NRG1: variants seen among roughly 807,000 people sequenced by gnomAD.
The protein encoded by NRG1 is pro-neuregulin-1, membrane-bound isoform.
In NRG1, 18 loss-of-function variants were observed where a neutral mutation model predicts 63.8. The observed-to-expected ratio is 0.28, with a 90% CI of 0.19 to 0.42. The LOEUF (loss-of-function observed/expected upper bound fraction) is 0.42. Ranked by LOEUF, NRG1 falls within the 10% of genes least tolerant of loss-of-function variation. NRG1 has a pLI of 1.00. For missense variants in NRG1, 762 were observed against 814.7 expected, an observed-to-expected ratio of 0.94 and a Z score of 0.79; for synonymous variants, 302 against 301.3, an observed-to-expected ratio of 1.00 and a Z score of -0.02.
At position 32,210,700 on chromosome 8, in the gene NRG1, G is replaced by A. The variant is rs545717336; in HGVS notation, c.38-385128G>A. On this transcript the variant is annotated intron_variant, in intron 1 of 10. Coordinates refer to the NRG1 transcript ENST00000519301. Reference sequence around the variant, plus strand: ...CCTCCAAGCCTACAGACCACCTCACGTAGTAGCTGTAGTGGGAGCTGCTCC... The same window carrying A: ...CCTCCAAGCCTACAGACCACCTCACATAGTAGCTGTAGTGGGAGCTGCTCC... Among the ~76,000 whole-genome samples the A allele has an allele frequency of 9.8e-5, 15 of 152,286 alleles. No homozygotes were observed. The South Asian group carries it at 1.9e-3, about 19-fold the overall frequency.
chr8:31,685,033 A>T (rs1438173625), intron 1 of NRG1, among the ~76,000 whole-genome samples: 1 of 152,168 alleles, frequency 6.6e-6, no homozygotes, highest in Admixed American at 6.5e-5. Flanking sequence ...TTTTCATTCT[A>T]AAACTATGAG....
chr8:31,960,096 A>T (rs541510966), intron 1 of NRG1, among the ~76,000 whole-genome samples: 1 of 152,282 alleles, frequency 6.6e-6, no homozygotes, highest in African/African-American at 2.4e-5. Context: ...CCAAGTGAAA[A>T]ATCATGGGAG....
At chr8:32,628,827 G>A (rs1289288132) in intron 5 of NRG1, among the ~76,000 whole-genome samples, 8 of 150,386 alleles carry the variant, frequency 5.3e-5, no homozygotes, top group African/African-American at 1.7e-4. Context: ...CTGCCTACCC[G>A]GTTCAAGCGA....
chr8:32,351,706 T>C (rs1459657238), intron 1 of NRG1, among the ~76,000 whole-genome samples: 1 of 152,140 alleles, frequency 6.6e-6, no homozygotes, highest in Non-Finnish European at 1.5e-5. Context: ...ACCTCCTTTT[T>C]AAATTTCCTC....
At chr8:32,115,661 G>A (rs1318955964) in intron 1 of NRG1, among the ~76,000 whole-genome samples, 1 of 151,980 alleles carries the variant, frequency 6.6e-6, no homozygotes, top group Non-Finnish European at 1.5e-5. Context: ...TTGTTCAAGG[G>A]TACTTTATGT....
intron 1 of NRG1, among the ~76,000 whole-genome samples, chr8:31,782,526 A>C (rs1033040494): frequency 6.6e-5 from 10 of 152,218 alleles, no homozygotes; most frequent in Admixed American, 1.3e-4. Flanking sequence ...AATGCCTGAC[A>C]TGTAATGGAA....
chr8:32,533,259 G>T (rs1831637272), intron 1 of NRG1, among the ~76,000 whole-genome samples: 1 of 152,002 alleles, frequency 6.6e-6, no homozygotes, highest in African/African-American at 2.4e-5. Context: ...GCTGTTAAGA[G>T]CTTGATCTAG....
At chr8:32,195,094 T>A (rs545636347) in intron 1 of NRG1, among the ~76,000 whole-genome samples, 63 of 152,200 alleles carry the variant, frequency 4.1e-4, no homozygotes, top group African/African-American at 1.4e-3. Context: ...TTGGGGAGGT[T>A]ACTCCTTTGG....
intron 1 of NRG1, among the ~76,000 whole-genome samples, chr8:32,111,706 T>C (rs563360271): frequency 6.6e-6 from 1 of 152,306 alleles, no homozygotes; most frequent in East Asian, 1.9e-4. Context: ...ACAGGGTTTG[T>C]CAAGTGAATA....
intron 1 of NRG1, among the ~76,000 whole-genome samples, chr8:31,751,228 C>T (rs1397858924): frequency 1.3e-5 from 2 of 151,984 alleles, no homozygotes. Context: ...AGTTGGCTCT[C>T]TCTGTATATC....
intron 1 of NRG1, among the ~76,000 whole-genome samples, chr8:32,499,852 G>A (rs1314641287): frequency 3.3e-5 from 5 of 152,088 alleles, no homozygotes; most frequent in Non-Finnish European, 7.3e-5. Flanking sequence ...AGGTTCAGTT[G>A]TCCAACTTCA....
chr8:32,081,716 C>A (rs1300946512), intron 1 of NRG1, among the ~76,000 whole-genome samples: 3 of 152,120 alleles, frequency 2.0e-5, no homozygotes, highest in East Asian at 3.9e-4. Flanking sequence ...GAAAGCTAAG[C>A]TTATGATCAG....
intron 1 of NRG1, among the ~76,000 whole-genome samples, chr8:31,905,182 CTA>C (rs1000786516): frequency 6.6e-6 from 1 of 152,058 alleles, no homozygotes; most frequent in African/African-American, 2.4e-5. Flanking sequence ...ACAGCCTTGA[CTA>C]ATATTATTGC....
chr8:32,692,345 T>C (rs1327822027), intron 5 of NRG1, among the ~76,000 whole-genome samples: 1 of 152,172 alleles, frequency 6.6e-6, no homozygotes, highest in African/African-American at 2.4e-5. Flanking sequence ...CAAAGTCAAT[T>C]TGTCCAGCAG....
intron 1 of NRG1, among the ~76,000 whole-genome samples, chr8:32,483,941 A>G (rs566588593): frequency 2.0e-5 from 3 of 152,218 alleles, no homozygotes; most frequent in South Asian, 4.1e-4. Context: ...CGTCTCTACT[A>G]AAAATACAAA....
At chr8:31,833,519 A>G (rs1393621779) in intron 1 of NRG1, among the ~76,000 whole-genome samples, 1 of 152,214 alleles carries the variant, frequency 6.6e-6, no homozygotes, top group African/African-American at 2.4e-5. Context: ...CCTCCAGGGA[A>G]TTATATCCTA....
intron 5 of NRG1, among the ~76,000 whole-genome samples, chr8:32,626,653 C>T (rs1395125744): frequency 6.6e-6 from 1 of 150,720 alleles, no homozygotes; most frequent in Non-Finnish European, 1.5e-5. Flanking sequence ...GCCCTCCAGC[C>T]TGGGCGACAG....
At chr8:32,262,142 T>C (rs77962876) in intron 1 of NRG1, among the ~76,000 whole-genome samples, 2,729 of 152,302 alleles carry the variant, frequency 0.018, 83 homozygotes, top group African/African-American at 0.062. Context: ...GTGGAAGGTT[T>C]GGGGCACAGC....
intron 1 of NRG1, among the ~76,000 whole-genome samples, chr8:32,383,551 C>A (rs1432511160): frequency 6.6e-6 from 1 of 152,188 alleles, no homozygotes; most frequent in Non-Finnish European, 1.5e-5. Flanking sequence ...TAAATGAAGA[C>A]AGACATATAA....
Sources: gnomAD v4.1 joint callset for allele counts (sites outside exome capture counted in the v4.1 genomes callset) on GRCh38, gnomAD v4.1.1 for gene constraint, MANE v1.5 for transcripts, NCBI Gene and HGNC (gene_info 2026-07-23, HGNC 2026-07-21) for gene names.